The following FGL1 variants were observed in gnomAD, a reference collection of about 807,000 sequenced individuals.
FGL1 encodes fibrinogen-like protein 1.
Under a neutral mutation model 43.7 loss-of-function variants are expected in FGL1, and 59 were observed. That is an observed-to-expected ratio of 1.35 (90% confidence interval 1.10 to 1.68). The LOEUF (loss-of-function observed/expected upper bound fraction) is 1.68, where lower values mean the gene tolerates loss of function less well. FGL1 is among the 40% of genes most tolerant of loss of function. FGL1 has a pLI of 0.00. For synonymous variants in FGL1, 192 were observed against 126.5 expected, an observed-to-expected ratio of 1.52 and a Z score of -3.48; for missense variants, 596 against 373.0, an observed-to-expected ratio of 1.60 and a Z score of -4.92.
Position 17,874,019 on chromosome 8 carries a change from C to T in FGL1, c.502G>A (p.Glu168Lys), listed in dbSNP as rs749584044. Reference sequence around the variant, plus strand: ...AAATCTGACATCATTCAAACCTTACCTTGAGTGGTCAAGAAGTGAAGATTT... The same window carrying T: ...AAATCTGACATCATTCAAACCTTACTTTGAGTGGTCAAGAAGTGAAGATTT... ...NKNLHFLTTQ[E>K]DYTLKIDLAD... Residue 168 changes from glutamate to lysine, a missense_variant and splice_region_variant, in exon 5 of 8, where the codon GAA becomes AAA. Glu to Lys is a moderately conservative substitution (Grantham distance 56). Transcript: ENST00000427924. 3.8e-6 allele frequency: 6 copies of T among 1,593,932 alleles called. No individual in the cohort carries two copies. The highest frequency in any genetic ancestry group is 3.6e-5 in the Admixed American group (2 of 54,948).
chr8:17,888,340 G>C (rs1438701147), intron 1 of FGL1, among the ~76,000 whole-genome samples: 1 of 152,046 alleles, frequency 6.6e-6, no homozygotes, highest in African/African-American at 2.4e-5. Flanking sequence ...AATAAGCTTG[G>C]AATTATTTAA....
intron 1 of FGL1, among the ~76,000 whole-genome samples, chr8:17,892,387 C>T (rs1248831069): frequency 6.6e-6 from 1 of 151,834 alleles, no homozygotes; most frequent in Non-Finnish European, 1.5e-5. Context: ...TAGCCTTGTT[C>T]CCCGAGACTA....
intron 2 of FGL1, among the ~76,000 whole-genome samples, chr8:17,883,429 AAT>A (rs1203981200): frequency 1.3e-5 from 1 of 74,608 alleles, no homozygotes; most frequent in African/African-American, 4.7e-5. Context: ...ATATAATATG[AAT>A]ATATATGAAT....
At chr8:17,866,302 C>T (rs1464720119) in intron 7 of FGL1, among the ~76,000 whole-genome samples, 1 of 152,058 alleles carries the variant, frequency 6.6e-6, no homozygotes, top group Non-Finnish European at 1.5e-5. Context: ...TGAAATGCTA[C>T]ACTAACAAAG....
At position 17,874,056 on chromosome 8, in the gene FGL1, C is replaced by CCAATATT; in HGVS notation, c.458_464dup (p.Trp155Ter). ...AGAAGTGAAGATTTTTATTGCCCAG[C>CCAATATT]CAATATTCACCATGTTTTTGGACAA... On this transcript the variant is annotated stop_gained and frameshift_variant, in exon 5 of 8. Transcript: ENST00000427924. LOFTEE classifies it high-confidence loss of function. 6.2e-7 allele frequency: 1 copy of CCAATATT among 1,611,424 alleles called. No individual in the cohort carries two copies. The highest frequency in any genetic ancestry group is 8.5e-7 in the Non-Finnish European group (1 of 1,179,272).
At chr8:17,869,698 T>G (rs1047976347) in intron 5 of FGL1, among the ~76,000 whole-genome samples, 1 of 152,218 alleles carries the variant, frequency 6.6e-6, no homozygotes, top group African/African-American at 2.4e-5. Flanking sequence ...AGAAATGCTG[T>G]ACCACCAACA....
chr8:17,875,515 CTTTCTTTCTTT>C (rs2053434286), intron 3 of FGL1, among the ~76,000 whole-genome samples: 2 of 9,082 alleles, frequency 2.2e-4, no homozygotes, highest in African/African-American at 7.8e-4. Context: ...TTCTTTCTTT[CTTTCTTTCTTT>C]CTTTCTTTCT....
chr8:17,864,577 G>C lies in FGL1; in HGVS notation c.*15C>G. ...ACAAAGCTGAATTGCAGAAACGAAAGCCCAACAGCAGCAATTAAATTACAT... is the reference window on the plus strand; with the variant it reads ...ACAAAGCTGAATTGCAGAAACGAAACCCCAACAGCAGCAATTAAATTACAT... On this transcript the variant is annotated 3_prime_UTR_variant, in exon 8 of 8. Coordinates refer to ENST00000427924, the MANE Select transcript of FGL1 (RefSeq NM_004467.4). 1 of 1,597,488 alleles carries C rather than the reference G, an allele frequency of 6.3e-7. No individual in the cohort carries two copies.
At chr8:17,869,054 C>G in intron 5 of FGL1, 50 bp from the exon 6 acceptor site, 1 of 1,073,500 alleles carries the variant, frequency 9.3e-7, no homozygotes, top group Non-Finnish European at 1.4e-6. Context: ...TGACATGACA[C>G]GGACTACTGC....
intron 5 of FGL1, among the ~76,000 whole-genome samples, chr8:17,873,671 T>C (rs1387727628): frequency 7.0e-6 from 1 of 143,342 alleles, no homozygotes; most frequent in African/African-American, 2.6e-5. Context: ...TATATATATA[T>C]TCTATATATA....
chr8:17,870,587 C>T (rs147209445), intron 5 of FGL1, among the ~76,000 whole-genome samples: 1,892 of 152,264 alleles, frequency 0.012, 19 homozygotes, highest in South Asian at 0.033. Flanking sequence ...TTCTCTCTTT[C>T]CATCCCCATC....
At chr8:17,885,412 T>C (rs991878886) in intron 2 of FGL1, 80 bp downstream of exon 2, 8 of 1,216,910 alleles carry the variant, frequency 6.6e-6, no homozygotes, top group African/African-American at 1.5e-5. Context: ...CAAGTCACTA[T>C]AGGTTTAATG....
At chr8:17,869,587 G>T (rs144742513) in intron 5 of FGL1, among the ~76,000 whole-genome samples, 1 of 152,130 alleles carries the variant, frequency 6.6e-6, no homozygotes, top group Admixed American at 6.6e-5. Flanking sequence ...GAAAACCTTC[G>T]TTTGATACTG....
At chr8:17,865,159 A>G (rs2053251974) in intron 7 of FGL1, among the ~76,000 whole-genome samples, 1 of 152,160 alleles carries the variant, frequency 6.6e-6, no homozygotes, top group Non-Finnish European at 1.5e-5. Context: ...GGCCACTCAC[A>G]GTGCATTGAA....
At chr8:17,869,088 T>C (rs2053317641) in intron 5 of FGL1, 84 bp from the exon 6 acceptor site, 1 of 789,846 alleles carries the variant, frequency 1.3e-6, no homozygotes, top group Non-Finnish European at 2.0e-6. Flanking sequence ...TTCACAGCTC[T>C]ATTTTAATTT....
intron 5 of FGL1, among the ~76,000 whole-genome samples, chr8:17,870,156 A>G (rs183251308): frequency 6.4e-4 from 98 of 152,258 alleles, no homozygotes; most frequent in African/African-American, 2.3e-3. Context: ...TATTGGGTAC[A>G]TATTATCTTT....
At chr8:17,865,142 C>A (rs1480010525) in intron 7 of FGL1, among the ~76,000 whole-genome samples, 2 of 152,018 alleles carry the variant, frequency 1.3e-5, no homozygotes, top group Non-Finnish European at 2.9e-5. Flanking sequence ...TCTGAAAATA[C>A]AACCCAGGCC....
chr8:17,882,449 C>T (rs2053551739), intron 2 of FGL1: 1 of 276,006 alleles, frequency 3.6e-6, no homozygotes, highest in Non-Finnish European at 6.9e-6. Flanking sequence ...TAGTTGTCTC[C>T]TTTGATCCTC....
chr8:17,891,839 A>G, intron 1 of FGL1: 1 of 971,032 alleles, frequency 1.0e-6, no homozygotes, highest in Non-Finnish European at 1.2e-6. Context: ...ACTACTCTTA[A>G]TGAATTATGC....
Sources: allele counts gnomAD v4.1 joint callset (sites outside exome capture counted in the v4.1 genomes callset), GRCh38; gene constraint gnomAD v4.1.1; transcripts MANE v1.5; gene names NCBI Gene and HGNC (gene_info 2026-07-23, HGNC 2026-07-21).